Variants in CEP63 observed in about 807,000 individuals in gnomAD.
CEP63 encodes the protein centrosomal protein of 63 kDa.
CEP63 carries 84 observed loss-of-function variants against 89.1 expected under a neutral mutation model. The observed-to-expected ratio is 0.94, with a 90% CI of 0.79 to 1.13. The LOEUF (loss-of-function observed/expected upper bound fraction) is 1.13, where lower values mean the gene tolerates loss of function less well. Among genes scored for constraint, CEP63 ranks in the 50% most tolerant of loss-of-function variants. The probability of loss-of-function intolerance (pLI) is 0.00; values close to 1 mark genes in which losing one functional copy is unlikely to be tolerated. For missense variants in CEP63, 838 were observed against 813.3 expected, an observed-to-expected ratio of 1.03 and a Z score of -0.37; for synonymous variants, 267 against 272.5, an observed-to-expected ratio of 0.98 and a Z score of 0.20.
chr3:134,622,153 C>T, the CEP63 span, among the ~76,000 whole-genome samples: 2 of 152,114 alleles, frequency 1.3e-5, no homozygotes, highest in African/African-American at 2.4e-5. Flanking sequence ...CAAATTTTGA[C>T]AGTTTCTCAG....
chr3:134,681,084 G>C, the CEP63 span, among the ~76,000 whole-genome samples: 21 of 152,208 alleles, frequency 1.4e-4, no homozygotes, highest in Admixed American at 8.5e-4. Context: ...GAGAGCCAAG[G>C]GGGAGGGGCA....
At chr3:134,521,560 A>C (rs1179761199) in intron 3 of CEP63, among the ~76,000 whole-genome samples, 2 of 152,210 alleles carry the variant, frequency 1.3e-5, no homozygotes, top group African/African-American at 4.8e-5. Context: ...TGCAAAGTAC[A>C]TTTGTATTTT....
At chr3:134,512,495 T>C (rs1945211312) in intron 3 of CEP63, among the ~76,000 whole-genome samples, 2 of 152,226 alleles carry the variant, frequency 1.3e-5, no homozygotes, top group African/African-American at 4.8e-5. Context: ...CCTAAACTTT[T>C]CTTCACCTTT....
intron 3 of CEP63, among the ~76,000 whole-genome samples, chr3:134,513,732 A>G (rs1945543555): frequency 6.6e-6 from 1 of 152,178 alleles, no homozygotes; most frequent in African/African-American, 2.4e-5. Flanking sequence ...CCCTAGGAGT[A>G]AGGATGGACC....
chr3:134,764,150 C>T, the CEP63 span, among the ~76,000 whole-genome samples: 1 of 152,148 alleles, frequency 6.6e-6, no homozygotes, highest in African/African-American at 2.4e-5. Flanking sequence ...TCCAGTTTGC[C>T]TCAATGCCAA....
At chr3:134,645,219 G>C in the CEP63 span, among the ~76,000 whole-genome samples, 1 of 152,220 alleles carries the variant, frequency 6.6e-6, no homozygotes, top group Non-Finnish European at 1.5e-5. Context: ...AGCTATTGGG[G>C]TGGGGTAGGA....
chr3:134,767,905 TGAA>T, the CEP63 span, among the ~76,000 whole-genome samples: 2 of 152,214 alleles, frequency 1.3e-5, no homozygotes, highest in South Asian at 2.1e-4. Context: ...AGAGCCTTCC[TGAA>T]GAAGAAGACA....
At chr3:134,487,229 A>G (rs1238068757) in intron 1 of CEP63, among the ~76,000 whole-genome samples, 1 of 152,182 alleles carries the variant, frequency 6.6e-6, no homozygotes, top group Non-Finnish European at 1.5e-5. Context: ...TTAATGATAA[A>G]GTGTATATAT....
the CEP63 span, among the ~76,000 whole-genome samples, chr3:134,626,231 C>G: frequency 3.3e-5 from 5 of 152,200 alleles, no homozygotes; most frequent in African/African-American, 1.2e-4. Context: ...ATGTCGGGAG[C>G]CTCTGGGTGC....
At chr3:134,718,385 A>G in the CEP63 span, among the ~76,000 whole-genome samples, 1 of 152,252 alleles carries the variant, frequency 6.6e-6, no homozygotes, top group African/African-American at 2.4e-5. Flanking sequence ...CTGGACTTTC[A>G]TGTTAAGTGA....
chr3:134,551,864 AT>A, intron 11 of CEP63, 61 bp from the exon 12 acceptor site: 1 of 1,055,882 alleles, frequency 9.5e-7, no homozygotes, highest in Non-Finnish European at 1.4e-6. Context: ...ATGTGGAAAA[AT>A]TTTGTAAGAT....
the CEP63 span, among the ~76,000 whole-genome samples, chr3:134,697,904 C>T: frequency 3.3e-5 from 5 of 152,222 alleles, no homozygotes; most frequent in East Asian, 9.6e-4. Flanking sequence ...GGAGCTCCAG[C>T]TGGCTGGCAG....
chr3:134,643,975 C>T, the CEP63 span, among the ~76,000 whole-genome samples: 1 of 152,110 alleles, frequency 6.6e-6, no homozygotes, highest in Non-Finnish European at 1.5e-5. Flanking sequence ...TACAGGTGCC[C>T]GCCACCACAC....
the CEP63 span, among the ~76,000 whole-genome samples, chr3:134,700,494 G>A: frequency 6.6e-6 from 1 of 152,106 alleles, no homozygotes; most frequent in Non-Finnish European, 1.5e-5. Flanking sequence ...ACTTCCCAGA[G>A]GTGAACGCTT....
the CEP63 span, among the ~76,000 whole-genome samples, chr3:134,780,827 T>G: frequency 2.0e-5 from 3 of 152,242 alleles, no homozygotes; most frequent in African/African-American, 7.2e-5. Flanking sequence ...TTGTGCTTTT[T>G]GTGTCCTGTT....
At chr3:134,684,377 G>A in the CEP63 span, among the ~76,000 whole-genome samples, 1 of 152,128 alleles carries the variant, frequency 6.6e-6, no homozygotes, top group Non-Finnish European at 1.5e-5. Context: ...AATTCCACAT[G>A]GGGACATGTA....
chr3:134,640,225 TG>T, the CEP63 span, among the ~76,000 whole-genome samples: 44 of 131,602 alleles, frequency 3.3e-4, 1 homozygote, highest in African/African-American at 1.2e-3. Context: ...GGGGGTTGGG[TG>T]GGGGGTACTG....
chr3:134,683,609 C>T, the CEP63 span, among the ~76,000 whole-genome samples: 1 of 152,116 alleles, frequency 6.6e-6, no homozygotes, highest in South Asian at 2.1e-4. Flanking sequence ...AGACTATATT[C>T]CTCATTCATG....
chr3:134,699,968 G>A, the CEP63 span, among the ~76,000 whole-genome samples: 1 of 152,244 alleles, frequency 6.6e-6, no homozygotes, highest in Non-Finnish European at 1.5e-5. Flanking sequence ...TCGTGGTGAG[G>A]CCATGAGATG....
Sources: allele counts gnomAD v4.1 joint callset (sites outside exome capture counted in the v4.1 genomes callset), GRCh38; gene constraint gnomAD v4.1.1; transcripts MANE v1.5; gene names NCBI Gene and HGNC (gene_info 2026-07-23, HGNC 2026-07-21).